NDST3: variants seen among roughly 807,000 people sequenced by gnomAD.
NDST3 encodes the protein bifunctional heparan sulfate N-deacetylase/N-sulfotransferase 3.
NDST3 carries 58 observed loss-of-function variants against 96.1 expected under a neutral mutation model. That is an observed-to-expected ratio of 0.60 (90% CI 0.49 to 0.75). The LOEUF is 0.75. Among genes scored for constraint, NDST3 ranks in the 30% least tolerant of loss-of-function variants. The pLI is 0.00. For missense variants in NDST3, 788 were observed against 1,034.2 expected (o/e 0.76, Z 3.27); for synonymous variants, 333 against 359.7 (o/e 0.93, Z 0.84).
At chr4:118,190,176 C>T (rs899505449) in intron 6 of NDST3, among the ~76,000 whole-genome samples, 1 of 151,462 alleles carries the variant, frequency 6.6e-6, no homozygotes, top group African/African-American at 2.4e-5. Flanking sequence ...CTATTAGAAC[C>T]CTAATTTATA....
At chr4:118,223,288 T>C (rs1273547758) in intron 6 of NDST3, among the ~76,000 whole-genome samples, 2 of 151,970 alleles carry the variant, frequency 1.3e-5, no homozygotes, top group Non-Finnish European at 2.9e-5. Flanking sequence ...AGTCACAGAA[T>C]TGAAGTTGCT....
intron 2 of NDST3, among the ~76,000 whole-genome samples, chr4:118,099,693 G>A (rs4428355): frequency 0.53 from 79,892 of 151,902 alleles, 25,224 homozygotes; most frequent in East Asian, 0.73. Flanking sequence ...TGTCAATTGT[G>A]TAGGTAGGTC....
chr4:118,228,021 G>T (rs557386311), intron 8 of NDST3, among the ~76,000 whole-genome samples: 46 of 152,178 alleles, frequency 3.0e-4, no homozygotes, highest in Middle Eastern at 3.4e-3. Flanking sequence ...GGGGCCCTTG[G>T]TTACTGGCTT....
chr4:118,137,644 T>C (rs1267458462), intron 4 of NDST3, among the ~76,000 whole-genome samples: 2 of 152,226 alleles, frequency 1.3e-5, no homozygotes, highest in Non-Finnish European at 2.9e-5. Flanking sequence ...CTAATGAACT[T>C]GGAAGGTGTT....
chr4:118,197,734 T>TGGGG (rs973868148), intron 6 of NDST3, among the ~76,000 whole-genome samples: 1 of 151,534 alleles, frequency 6.6e-6, no homozygotes, highest in Non-Finnish European at 1.5e-5. Context: ...AACAGATCAT[T>TGGGG]GGGTCTCAGT....
chr4:118,105,973 ATTGT>A (rs1560646734), intron 3 of NDST3, among the ~76,000 whole-genome samples: 1 of 152,068 alleles, frequency 6.6e-6, no homozygotes, highest in Non-Finnish European at 1.5e-5. Context: ...AGTATTTGAT[ATTGT>A]TTGTCTTTTT....
rs185514776 is a variant in NDST3 at position 118,116,726 on chromosome 4, C to T, written c.1224+1766C>T. Among the ~76,000 whole-genome samples the T allele has an allele frequency of 6.6e-3, 1,010 of 151,894 alleles. 8 individuals carry two copies. Among genetic ancestry groups the T allele is most frequent in the African/African-American group, 0.023 (965 of 41,438 alleles). ...ACAAACAATTAGCCAGGTGTGGTGGCGGGCGCCTGTAGTCCCAGCTACTCA... is the reference window on the plus strand; with the variant it reads ...ACAAACAATTAGCCAGGTGTGGTGGTGGGCGCCTGTAGTCCCAGCTACTCA... On this transcript the variant is annotated intron_variant, in intron 4 of 13. Coordinates refer to ENST00000296499, the MANE Select transcript of NDST3 (RefSeq NM_004784.3).
chr4:118,250,524 G>A (rs1229952710), intron 12 of NDST3, among the ~76,000 whole-genome samples: 1 of 143,966 alleles, frequency 6.9e-6, no homozygotes, highest in Non-Finnish European at 1.5e-5. Flanking sequence ...TGCTCTTGTT[G>A]CCCAGGCTGG....
intron 2 of NDST3, among the ~76,000 whole-genome samples, chr4:118,066,423 A>G (rs376268489): frequency 8.8e-5 from 1 of 11,314 alleles, no homozygotes; most frequent in African/African-American, 1.7e-4. Context: ...TATGTTATAT[A>G]TTATATATCA....
chr4:118,138,933 T>C (rs1733343786), intron 5 of NDST3, among the ~76,000 whole-genome samples: 1 of 152,166 alleles, frequency 6.6e-6, no homozygotes, highest in South Asian at 2.1e-4. Flanking sequence ...GGCCTCCTAA[T>C]TTAGAATCAC....
At chr4:118,191,941 G>A (rs1283132824) in intron 6 of NDST3, among the ~76,000 whole-genome samples, 1 of 152,046 alleles carries the variant, frequency 6.6e-6, no homozygotes, top group African/African-American at 2.4e-5. Flanking sequence ...TTCCTCACCA[G>A]CATTTATTAT....
chr4:118,187,515 T>C (rs1036246470), intron 6 of NDST3, among the ~76,000 whole-genome samples: 3 of 152,182 alleles, frequency 2.0e-5, no homozygotes, highest in African/African-American at 7.2e-5. Context: ...AGGCTAACAT[T>C]TGTTGTTCGT....
chr4:118,094,806 G>C (rs1729156982), intron 2 of NDST3, among the ~76,000 whole-genome samples: 1 of 151,742 alleles, frequency 6.6e-6, no homozygotes, highest in Admixed American at 6.6e-5. Flanking sequence ...CTAAGGGTAA[G>C]AGCTAAATAG....
chr4:118,187,259 C>T (rs1000810854), intron 6 of NDST3, among the ~76,000 whole-genome samples: 33 of 152,218 alleles, frequency 2.2e-4, no homozygotes, highest in African/African-American at 8.0e-4. Context: ...TTTAGCATAA[C>T]TTTCACAAGA....
At chr4:118,201,802 T>C (rs1738109039) in intron 6 of NDST3, among the ~76,000 whole-genome samples, 1 of 152,176 alleles carries the variant, frequency 6.6e-6, no homozygotes, top group Admixed American at 6.5e-5. Flanking sequence ...AGATCCTTTT[T>C]GTCTTGTTGT....
intron 12 of NDST3, among the ~76,000 whole-genome samples, chr4:118,248,149 G>A (rs985803963): frequency 2.0e-5 from 3 of 152,020 alleles, no homozygotes; most frequent in Admixed American, 6.6e-5. Context: ...TCAGGAGTTC[G>A]AGACCAGCCT....
Position 118,064,605 on chromosome 4 carries a change from C to T in NDST3, c.981+9714C>T, listed in dbSNP as rs191155048. Among the ~76,000 whole-genome samples the T allele has an allele frequency of 4.6e-5, 7 of 152,090 alleles. No individual in the cohort carries two copies. The East Asian group carries it at 1.4e-3, about 29-fold the overall frequency. On this transcript the variant is annotated intron_variant, in intron 2 of 13. Transcript: ENST00000296499. The stretch of plus-strand genomic sequence containing the variant: ...GAATTTTACCTTAAAAGATTATATG[C>T]TTTCTCATTTTAATATTAATAGTTA...
Position 118,143,644 on chromosome 4 carries a change from T to A in NDST3, c.1499T>A (p.Ile500Asn). 1 of 1,606,744 alleles carries A rather than the reference T, an allele frequency of 6.2e-7. No individual in the cohort carries two copies. The highest frequency in any genetic ancestry group is 8.5e-7 in the Non-Finnish European group (1 of 1,177,718). Residue 500 changes from isoleucine to asparagine, a missense_variant, in exon 6 of 14, where the codon ATC (isoleucine) becomes AAC (asparagine). Around this residue, in one of 3 missense-constraint regions of NDST3, gnomAD observed 490 missense variants for 708.8 expected, o/e 0.69. Transcript: ENST00000296499. ...GGTCCTAAAGAGCTGGATAAGAGTA[T>A]CCAAGGAGGAGAACTTTTCTTCACT... ...PGGPKELDKS[I>N]QGGELFFTVV...
chr4:118,054,639 C>T lies in NDST3; in HGVS notation c.729C>T (p.Asn243=). The change falls in exon 2 of 14, where the codon AAC becomes AAT. Residue 243 remains asparagine (N), a synonymous_variant. Transcript: ENST00000296499. ...VIFAKVKTPE[N]LSPSISKGAF... is the part of the protein sequence containing the mutation. Reference sequence around the variant, plus strand: ...TTGCCAAAGTAAAGACCCCAGAAAACCTTTCTCCTTCCATCTCTAAAGGTG... The same window carrying T: ...TTGCCAAAGTAAAGACCCCAGAAAATCTTTCTCCTTCCATCTCTAAAGGTG... The T allele has an allele frequency of 6.2e-7, 1 of 1,613,248 alleles. No individual in the cohort carries two copies. The highest frequency in any genetic ancestry group is 8.5e-7 in the Non-Finnish European group (1 of 1,179,458).
Sources: gnomAD v4.1 joint callset for allele counts (sites outside exome capture counted in the v4.1 genomes callset) on GRCh38, gnomAD v4.1.1 for gene constraint, gnomAD v4.1.1 regional missense constraint, MANE v1.5 for transcripts, NCBI Gene and HGNC (gene_info 2026-07-23, HGNC 2026-07-21) for gene names.